Variants in DMXL2 observed in about 807,000 individuals in gnomAD.
DMXL2 encodes the protein dmX-like protein 2.
In DMXL2, 103 loss-of-function variants were observed where a neutral mutation model predicts 331.1. The observed-to-expected ratio is 0.31, with a 90% confidence interval of 0.27 to 0.37. DMXL2 has a LOEUF of 0.37. DMXL2 is among the 10% of genes least tolerant of loss of function. The pLI, the probability that DMXL2 is intolerant of heterozygous loss-of-function variation, is 1.00. For missense variants in DMXL2, 3,171 were observed against 3,642.9 expected (o/e 0.87, Z 3.33); for synonymous variants, 1,281 against 1,252.1 (o/e 1.02, Z -0.49).
intron 1 of DMXL2, among the ~76,000 whole-genome samples, chr15:51,616,561 C>A (rs1452191142): frequency 6.6e-6 from 1 of 152,132 alleles, no homozygotes; most frequent in African/African-American, 2.4e-5. Context: ...TAACATAATG[C>A]AAAAGGATTC....
intron 13 of DMXL2, among the ~76,000 whole-genome samples, chr15:51,521,196 G>C (rs910984670): frequency 3.9e-5 from 6 of 152,090 alleles, no homozygotes; most frequent in African/African-American, 1.2e-4. Context: ...TTGGTCTCTA[G>C]AGCTAGGCTG....
chr15:51,458,446 T>TA, intron 36 of DMXL2, 60 bp downstream of exon 36: 1 of 1,554,318 alleles, frequency 6.4e-7, no homozygotes, highest in African/African-American at 1.4e-5. Flanking sequence ...ATCATGTGCA[T>TA]AACCATTTGG....
intron 30 of DMXL2, 28 bp downstream of exon 30, chr15:51,466,156 A>G: frequency 6.5e-7 from 1 of 1,531,992 alleles, no homozygotes; most frequent in Non-Finnish European, 8.7e-7. Flanking sequence ...GCCAAAAAAA[A>G]AATGAGAGAA....
chr15:51,621,710 G>A (rs1396874416), intron 1 of DMXL2, among the ~76,000 whole-genome samples: 1 of 151,858 alleles, frequency 6.6e-6, no homozygotes, highest in African/African-American at 2.4e-5. Flanking sequence ...TCTCAAACAA[G>A]CACTGTTGTA....
chr15:51,535,521 A>C (rs1198885920), intron 13 of DMXL2, 142 bp downstream of exon 13: 1 of 631,490 alleles, frequency 1.6e-6, no homozygotes, highest in African/African-American at 1.9e-5. Context: ...GGAAAAAATA[A>C]ATGTGTCATA....
chr15:51,503,450 G>A (rs1025099532), intron 16 of DMXL2, among the ~76,000 whole-genome samples: 1 of 152,164 alleles, frequency 6.6e-6, no homozygotes, highest in Non-Finnish European at 1.5e-5. Context: ...AGGTCAGTAT[G>A]TTAAGTGAAA....
intron 1 of DMXL2, among the ~76,000 whole-genome samples, chr15:51,601,581 A>G (rs372485681): frequency 1.6e-4 from 25 of 152,292 alleles, no homozygotes; most frequent in African/African-American, 6.0e-4. Flanking sequence ...AACATCAACA[A>G]ATGTGTGGGT....
At chr15:51,531,077 T>C (rs1567076138) in intron 13 of DMXL2, among the ~76,000 whole-genome samples, 1 of 152,104 alleles carries the variant, frequency 6.6e-6, no homozygotes, top group Non-Finnish European at 1.5e-5. Flanking sequence ...TAGCCAAAGC[T>C]ATCCTAAGCA....
intron 6 of DMXL2, among the ~76,000 whole-genome samples, chr15:51,562,529 T>C (rs2050034783): frequency 6.6e-6 from 1 of 152,172 alleles, no homozygotes; most frequent in Admixed American, 6.5e-5. Context: ...TCTGCTATTT[T>C]AGACTGGTAG....
At chr15:51,616,935 TAAAAA>T (rs34051640) in intron 1 of DMXL2, among the ~76,000 whole-genome samples, 5 of 81,230 alleles carry the variant, frequency 6.2e-5, no homozygotes, top group Non-Finnish European at 6.8e-5. Flanking sequence ...AGACTCCATC[TAAAAA>T]AAAAAAAAAA....
At chr15:51,590,718 A>G (rs1476220076) in intron 1 of DMXL2, among the ~76,000 whole-genome samples, 1 of 152,098 alleles carries the variant, frequency 6.6e-6, no homozygotes, top group African/African-American at 2.4e-5. Flanking sequence ...TTCAACAACT[A>G]TTCATAATAC....
intron 18 of DMXL2, among the ~76,000 whole-genome samples, chr15:51,497,982 C>T (rs1386624368): frequency 1.3e-5 from 2 of 152,158 alleles, no homozygotes; most frequent in Admixed American, 6.5e-5. Context: ...CCTATAATCC[C>T]AGCACTGTGG....
At chr15:51,523,479 C>T (rs1291993932) in intron 13 of DMXL2, among the ~76,000 whole-genome samples, 1 of 152,162 alleles carries the variant, frequency 6.6e-6, no homozygotes, top group Non-Finnish European at 1.5e-5. Flanking sequence ...TAAATAGTGT[C>T]CTCCCAAAAT....
chr15:51,464,837 T>C lies in DMXL2; in HGVS notation c.7646A>G (p.Lys2549Arg). Residue 2549 changes from lysine (K) to arginine (R), a missense_variant, in exon 32 of 44, where the codon AAA (lysine) becomes AGA (arginine). By Grantham distance (26) the Lys-to-Arg change is conservative. Coordinates refer to ENST00000560891, the MANE Select transcript of DMXL2 (RefSeq NM_001378457.1). ...GATCTGTTCCCAGTTCTCCAAGTTT[T>C]TAATCACAGCAATACCTAATGGTGA... Reference protein sequence around the residue: ...VTSPLGIAVIKNLENWEQILQ... With the variant: ...VTSPLGIAVIRNLENWEQILQ... 6.2e-7 allele frequency: 1 copy of C among 1,614,164 alleles called. No homozygotes were observed. Among genetic ancestry groups the C allele is most frequent in the Non-Finnish European group, 8.5e-7 (1 of 1,179,998 alleles).
intron 25 of DMXL2, among the ~76,000 whole-genome samples, chr15:51,479,216 C>A (rs2041825501): frequency 6.6e-6 from 1 of 152,082 alleles, no homozygotes; most frequent in South Asian, 2.1e-4. Flanking sequence ...TATGACCAGG[C>A]CTTTAGAAGA....
rs1329568501 is a variant in DMXL2, at chr15:51,537,356, A to G, written c.1617+132T>C. On this transcript the variant is annotated intron_variant, in intron 11 of 43. Coordinates refer to ENST00000560891, the MANE Select transcript of DMXL2 (RefSeq NM_001378457.1). Reference sequence around the variant, plus strand: ...GTCACTGATCCCTTCTGAAAGAAAGAAGTATTCTTTACTCAGATGCTTATC... The same window carrying G: ...GTCACTGATCCCTTCTGAAAGAAAGGAGTATTCTTTACTCAGATGCTTATC... The G allele has an allele frequency of 4.1e-5, 32 of 779,316 alleles. No individual in the cohort carries two copies. The Admixed American group carries it at 5.6e-4, about 14-fold the overall frequency. The allele number at this position is 779,316 out of a possible 1,614,324, so 48.3% of individuals were successfully genotyped here.
chr15:51,570,595 T>C (rs1329010029), intron 2 of DMXL2, among the ~76,000 whole-genome samples: 4 of 152,150 alleles, frequency 2.6e-5, no homozygotes, highest in Non-Finnish European at 5.9e-5. Context: ...AGCAGATCTC[T>C]TGGAAGAAAC....
At chr15:51,544,106 T>A (rs1219114159) in intron 8 of DMXL2, among the ~76,000 whole-genome samples, 5 of 152,060 alleles carry the variant, frequency 3.3e-5, no homozygotes, top group East Asian at 3.9e-4. Flanking sequence ...TTGAAAAAAA[T>A]GTAAAAATAG....
chr15:51,591,823 C>G (rs2052366656), intron 1 of DMXL2, among the ~76,000 whole-genome samples: 1 of 152,164 alleles, frequency 6.6e-6, no homozygotes, highest in Non-Finnish European at 1.5e-5. Flanking sequence ...AGTGGACCTC[C>G]AGCAAACTCC....
Sources: gnomAD v4.1 joint callset for allele counts (sites outside exome capture counted in the v4.1 genomes callset) on GRCh38, gnomAD v4.1.1 for gene constraint, MANE v1.5 for transcripts, NCBI Gene and HGNC (gene_info 2026-07-23, HGNC 2026-07-21) for gene names.